OSBPL10: variants seen among roughly 807,000 people sequenced by gnomAD.
OSBPL10 encodes the protein oxysterol binding protein like 10, also known as oxysterol-binding protein-related protein 10.
Under a neutral mutation model 81.7 loss-of-function variants are expected in OSBPL10, and 49 were observed. The observed-to-expected ratio is 0.60, with a 90% confidence interval of 0.48 to 0.76. The LOEUF is 0.76. OSBPL10 is among the 30% of genes least tolerant of loss of function. The probability of loss-of-function intolerance (pLI) is 0.00; values close to 1 mark genes in which losing one functional copy is unlikely to be tolerated. For synonymous variants in OSBPL10, 419 were observed against 383.6 expected (o/e 1.09, Z -1.08); for missense variants, 923 against 987.8 (o/e 0.93, Z 0.88).
chr3:31,953,028 G>A (rs1166808340), intron 1 of OSBPL10, among the ~76,000 whole-genome samples: 1 of 151,090 alleles, frequency 6.6e-6, no homozygotes, highest in Non-Finnish European at 1.5e-5. Flanking sequence ...CGCCTCCAGG[G>A]TTCAAGCAAT....
chr3:31,733,770 T>G (rs1014460383), intron 5 of OSBPL10, among the ~76,000 whole-genome samples: 1 of 146,056 alleles, frequency 6.8e-6, no homozygotes, highest in African/African-American at 2.5e-5. Flanking sequence ...TCCCAGCACT[T>G]TGGGAGGCCG....
Position 31,824,612 on chromosome 3 carries a change from C to T in OSBPL10, c.729+5428G>A, listed in dbSNP as rs562856749. Among the ~76,000 whole-genome samples the T allele has an allele frequency of 2.6e-5, 4 of 152,240 alleles. No homozygotes were observed. The South Asian group carries it at 6.2e-4, about 24-fold the overall frequency. ...TGATGCCTTGGACTAGGTTCTCCAT[C>T]GAAAGACCCGCCATCTTTGTTGGTT... On this transcript the variant is annotated intron_variant, in intron 4 of 11. Coordinates refer to ENST00000396556, the MANE Select transcript of OSBPL10 (RefSeq NM_017784.5).
intron 4 of OSBPL10, among the ~76,000 whole-genome samples, chr3:31,815,985 C>A (rs575637176): frequency 1.3e-5 from 2 of 152,232 alleles, no homozygotes; most frequent in Non-Finnish European, 2.9e-5. Flanking sequence ...ACTTAGCTTC[C>A]TTCTGCCTGC....
intron 6 of OSBPL10, among the ~76,000 whole-genome samples, chr3:31,705,474 G>A (rs926547503): frequency 6.6e-6 from 1 of 151,118 alleles, no homozygotes; most frequent in Admixed American, 6.7e-5. Flanking sequence ...CCATGGCAAT[G>A]TAAATACCAA....
intron 1 of OSBPL10, among the ~76,000 whole-genome samples, chr3:31,893,428 T>C (rs1695958697): frequency 1.3e-5 from 2 of 152,118 alleles, no homozygotes; most frequent in African/African-American, 4.8e-5. Flanking sequence ...GGTAAGGATA[T>C]GGAGAAACTG....
At chr3:31,993,705 C>CAA (rs1699060241) in intron 2 of OSBPL10, among the ~76,000 whole-genome samples, 1 of 151,608 alleles carries the variant, frequency 6.6e-6, no homozygotes. Flanking sequence ...CACACACACA[C>CAA]AAAACTGAGG....
intron 3 of OSBPL10, among the ~76,000 whole-genome samples, chr3:31,854,327 TA>T (rs1201417308): frequency 6.6e-6 from 1 of 152,194 alleles, no homozygotes; most frequent in Non-Finnish European, 1.5e-5. Flanking sequence ...CCAAGTGTTC[TA>T]ACCAGTTCTC....
intron 2 of OSBPL10, among the ~76,000 whole-genome samples, chr3:32,015,730 CA>C (rs1390090552): frequency 2.6e-5 from 4 of 152,278 alleles, no homozygotes; most frequent in Admixed American, 1.3e-4. Context: ...CCAGAACCTA[CA>C]ATGAACTCCA....
chr3:32,071,626 T>C (rs912505538), intron 1 of OSBPL10, among the ~76,000 whole-genome samples: 3 of 152,232 alleles, frequency 2.0e-5, no homozygotes, highest in African/African-American at 4.8e-5. Flanking sequence ...CTAATACTTT[T>C]AGAGGCCCTC....
chr3:31,687,588 C>T (rs934686509), intron 7 of OSBPL10, among the ~76,000 whole-genome samples: 2 of 152,112 alleles, frequency 1.3e-5, no homozygotes, highest in African/African-American at 4.8e-5. Context: ...CAGGTGAGGG[C>T]GCTATGCCTG....
chr3:31,965,570 T>G (rs867630027), intron 1 of OSBPL10, among the ~76,000 whole-genome samples: 2 of 77,264 alleles, frequency 2.6e-5, no homozygotes, highest in African/African-American at 5.7e-5. Flanking sequence ...AATTATATAT[T>G]ATATAATATA....
At chr3:32,005,442 G>GCTCACAGAGAA (rs370162967) in intron 2 of OSBPL10, among the ~76,000 whole-genome samples, 21,892 of 151,954 alleles carry the variant, frequency 0.14, 1,609 homozygotes, top group Middle Eastern at 0.21. Context: ...TCCCTTTATG[G>GCTCACAGAGAA]ACTGTGAGCA....
chr3:31,964,670 T>C (rs1049249447), intron 1 of OSBPL10, among the ~76,000 whole-genome samples: 5 of 152,230 alleles, frequency 3.3e-5, no homozygotes, highest in African/African-American at 1.2e-4. Context: ...TTACCTAAAA[T>C]AATGATAGGT....
chr3:31,837,321 T>TTATATA (rs59797512), intron 3 of OSBPL10, among the ~76,000 whole-genome samples: 18 of 59,076 alleles, frequency 3.0e-4, no homozygotes, highest in South Asian at 7.4e-4. Flanking sequence ...GATCCCCAAA[T>TTATATA]TATATATATA....
rs555181689 is a variant in OSBPL10, at chr3:32,074,440, C to G, written n.185+2956G>C. ...TCCTTTACTCTTTATCTCCAGAACCCAGCCACACACATTACCAAACAGATG... is the reference window on the plus strand; with the variant it reads ...TCCTTTACTCTTTATCTCCAGAACCGAGCCACACACATTACCAAACAGATG... On this transcript the variant is annotated intron_variant and non_coding_transcript_variant, in intron 1 of 3. Transcript: ENST00000479173. Among the ~76,000 whole-genome samples, 6 of 152,262 alleles carry G rather than the reference C, an allele frequency of 3.9e-5. No individual in the cohort carries two copies. In the South Asian group the frequency reaches 1.2e-3, roughly 32 times the overall value.
chr3:31,897,440 G>A (rs905079340), intron 1 of OSBPL10, among the ~76,000 whole-genome samples: 1 of 152,102 alleles, frequency 6.6e-6, no homozygotes, highest in Non-Finnish European at 1.5e-5. Flanking sequence ...CGGTTCCACA[G>A]AACGAACAAG....
chr3:31,998,266 AG>A (rs1257700607), intron 2 of OSBPL10, among the ~76,000 whole-genome samples: 1 of 152,158 alleles, frequency 6.6e-6, no homozygotes, highest in Non-Finnish European at 1.5e-5. Flanking sequence ...CCCAGATGAA[AG>A]GGAAGAAATG....
chr3:31,815,819 T>C (rs1194389393), intron 4 of OSBPL10, among the ~76,000 whole-genome samples: 3 of 152,212 alleles, frequency 2.0e-5, no homozygotes, highest in Non-Finnish European at 4.4e-5. Flanking sequence ...CCAACGTCTC[T>C]CTGCAGCCAC....
intron 1 of OSBPL10, among the ~76,000 whole-genome samples, chr3:31,919,733 C>T (rs1696858860): frequency 6.6e-6 from 1 of 152,138 alleles, no homozygotes; most frequent in Non-Finnish European, 1.5e-5. Flanking sequence ...CCAGAATGTG[C>T]CTCCAAAACT....
Sources: allele counts gnomAD v4.1 joint callset (sites outside exome capture counted in the v4.1 genomes callset), GRCh38; gene constraint gnomAD v4.1.1; transcripts MANE v1.5; gene names NCBI Gene and HGNC (gene_info 2026-07-23, HGNC 2026-07-21).